Variants in COG8 observed in about 807,000 individuals in gnomAD.
COG8 encodes the protein component of oligomeric golgi complex 8.
In COG8, 45 loss-of-function variants were observed where a neutral mutation model predicts 46.5. The ratio of observed to expected loss-of-function variants is 0.97; its 90% CI spans 0.76 to 1.24. The LOEUF (loss-of-function observed/expected upper bound fraction) is 1.24. Ranked by LOEUF, COG8 falls within the 50% of genes most tolerant of loss-of-function variation. The pLI, the probability that COG8 is intolerant of heterozygous loss-of-function variation, is 0.00. For missense variants in COG8, 793 were observed against 820.8 expected, an observed-to-expected ratio of 0.97 and a Z score of 0.41; for synonymous variants, 407 against 347.8, an observed-to-expected ratio of 1.17 and a Z score of -1.90.
In COG8 at chr16:69,339,306, C is replaced by T. The variant is rs2012396406; in HGVS notation, c.247G>A (p.Ala83Thr). The T allele has an allele frequency of 2.5e-6, 4 of 1,611,362 alleles. No individual in the cohort carries two copies. The highest frequency in any genetic ancestry group is 3.3e-5 in the Admixed American group (2 of 59,902). The change falls in exon 1 of 6, where the codon GCC becomes ACC. Residue 83 changes from alanine to threonine, a missense_variant. Transcript: ENST00000306875. Reference sequence around the variant, plus strand: ...ATGAAGGTCTTGTAGTTAGCGAAGGCCAAGTCGCGCGTCTGCTGCAGCAGC... The same window carrying T: ...ATGAAGGTCTTGTAGTTAGCGAAGGTCAAGTCGCGCGTCTGCTGCAGCAGC... ...AQLLQQTRDL[A>T]FANYKTFIRG...
chr16:69,331,651 C>A (rs541509680), intron 4 of COG8, among the ~76,000 whole-genome samples: 1 of 151,662 alleles, frequency 6.6e-6, no homozygotes, highest in East Asian at 2.0e-4. Flanking sequence ...TACAGGCGCC[C>A]GCCACCATGC....
intron 4 of COG8, among the ~76,000 whole-genome samples, chr16:69,331,961 T>C (rs1225296694): frequency 1.3e-5 from 2 of 152,244 alleles, no homozygotes; most frequent in African/African-American, 2.4e-5. Context: ...AGCCAGGCTT[T>C]GCACGTGTGA....
rs765309769 is a variant in COG8 at position 69,334,775 on chromosome 16, CTG to C, written c.1157_1158del (p.Thr386SerfsTer24). On this transcript the variant is annotated frameshift_variant, in exon 3 of 6. Coordinates refer to ENST00000306875, the MANE Select transcript of COG8 (RefSeq NM_032382.5). LOFTEE classifies it high-confidence loss of function. ...TTCATTTCTTCCTGGAATTTCTCCA[CTG>C]TTTCCTGAATTGCTTTCTGGAAAGT... ...ISTFQKAIQE[T>X]VEKFQEEMNS... The C allele has an allele frequency of 9.9e-6, 16 of 1,614,184 alleles. No homozygotes were observed. Among genetic ancestry groups the C allele is most frequent in the Non-Finnish European group, 1.2e-5 (14 of 1,180,044 alleles).
chr16:69,330,236 C>CT (rs2011684653), intron 5 of COG8: 2 of 1,447,956 alleles, frequency 1.4e-6, no homozygotes, highest in Non-Finnish European at 1.8e-6. Flanking sequence ...CTGCGGCGCG[C>CT]TTAGGCCCAC....
At position 69,336,608 on chromosome 16, in the gene COG8, A is replaced by G. The variant is rs748442815; in HGVS notation, c.482T>C (p.Leu161Pro). The change falls in exon 2 of 6, where the codon CTC (leucine) becomes CCC (proline). Residue 161 changes from leucine to proline, a missense_variant. Physicochemically the swap from Leu to Pro is moderately conservative, Grantham distance 98. Coordinates refer to ENST00000306875, the MANE Select transcript of COG8 (RefSeq NM_032382.5). ...EILEILEIPQ[L>P]MDTCVRNSYY... ...ACTGTTCCGGACACAGGTGTCCATG[A>G]GCTGAGGAATCTCCAGTATTTCCAA... 6.2e-7 allele frequency: 1 copy of G among 1,614,184 alleles called. No individual in the cohort carries two copies. The highest frequency in any genetic ancestry group is 8.5e-7 in the Non-Finnish European group (1 of 1,180,030).
In COG8 at chr16:69,332,854, C is replaced by T. The variant is rs1387014270; in HGVS notation, c.1442G>A (p.Arg481His). ...KVTKIILAFH[R>H]AEEAAFSSGE... ...GCTGCTGAAGGCAGCCTCTTCAGCG[C>T]GATGGAAGGCCAGGATTATTTTAGT... The change falls in exon 4 of 6, where the codon CGC becomes CAC. Residue 481 changes from arginine to histidine, a missense_variant. Coordinates refer to ENST00000306875, the MANE Select transcript of COG8 (RefSeq NM_032382.5). The T allele has an allele frequency of 1.2e-5, 19 of 1,614,058 alleles. No homozygotes were observed. The highest frequency in any genetic ancestry group is 1.1e-4 in the East Asian group (5 of 44,900).
chr16:69,330,711 C>G, intron 5 of COG8, 102 bp downstream of exon 5: 8 of 1,408,980 alleles, frequency 5.7e-6, no homozygotes, highest in Non-Finnish European at 7.4e-6. Context: ...GCACCGCCCC[C>G]TTCCGCTCTC....
In COG8 at chr16:69,334,867, A is replaced by G. The variant is rs2012101022; in HGVS notation, c.1067T>C (p.Phe356Ser). The G allele has an allele frequency of 2.5e-6, 4 of 1,614,042 alleles. No homozygotes were observed. The highest frequency in any genetic ancestry group is 3.4e-6 in the Non-Finnish European group (4 of 1,180,028). Residue 356 changes from phenylalanine to serine, a missense_variant, in exon 3 of 6, where the codon TTC becomes TCC. By Grantham distance (155) the Phe-to-Ser change is radical. Coordinates refer to ENST00000306875, the MANE Select transcript of COG8 (RefSeq NM_032382.5). Reference protein sequence around the residue: ...LGQCMYFGLSFSRVGADFRGQ... With the variant: ...LGQCMYFGLSSSRVGADFRGQ... Reference sequence around the variant, plus strand: ...CCGGAAATCAGCTCCCACCCGGCTGAAGGACAGCCCAAAGTACATGCACTG... The same window carrying G: ...CCGGAAATCAGCTCCCACCCGGCTGGAGGACAGCCCAAAGTACATGCACTG...
Position 69,330,892 on chromosome 16 carries a change from G to C in COG8, c.1786C>G (p.Pro596Ala). The C allele has an allele frequency of 6.5e-7, 1 of 1,549,768 alleles. No homozygotes were observed. The highest frequency in any genetic ancestry group is 8.7e-7 in the Non-Finnish European group (1 of 1,146,880). The change falls in exon 5 of 6, where the codon CCG (proline) becomes GCG (alanine). Residue 596 changes from proline to alanine, a missense_variant. By Grantham distance (27) the Pro-to-Ala change is conservative (BLOSUM62 -1). Coordinates refer to ENST00000306875, the MANE Select transcript of COG8 (RefSeq NM_032382.5). ...PRLEPAGPAC[P>A]EGGRAETQAE... ...TGCGTCTCCGCTCGCCCTCCCTCCG[G>C]GCAGGCTGGGCCCGCGGGCTCCAGG...
At position 69,331,040 on chromosome 16, in the gene COG8, G is replaced by A. The variant is rs751924599; in HGVS notation, c.1638C>T (p.Gly546=). The change falls in exon 5 of 6, where the codon GGC becomes GGT. Residue 546 remains glycine (G), a synonymous_variant. Transcript: ENST00000306875. ...KYGNLGHVNI[G]AIQEPLAFIL... Reference sequence around the variant, plus strand: ...TAAAGGCGAGGGGCTCCTGAATGGCGCCGATGTTCACATGCCCTAGGTTAC... The same window carrying A: ...TAAAGGCGAGGGGCTCCTGAATGGCACCGATGTTCACATGCCCTAGGTTAC... 1.9e-6 allele frequency: 3 copies of A among 1,613,780 alleles called. No individual in the cohort carries two copies. Among genetic ancestry groups the A allele is most frequent in the Non-Finnish European group, 1.7e-6 (2 of 1,179,960 alleles).
At chr16:69,329,791 G>C (rs1007780648) in intron 5 of COG8, among the ~76,000 whole-genome samples, 3 of 152,216 alleles carry the variant, frequency 2.0e-5, no homozygotes, top group African/African-American at 7.2e-5. Flanking sequence ...CGGAACTAGG[G>C]GACCTCTCCT....
At position 69,336,645 on chromosome 16, in the gene COG8, G is replaced by GC; in HGVS notation, c.444dup (p.His149AlafsTer24). On this transcript the variant is annotated frameshift_variant, in exon 2 of 6. Transcript: ENST00000306875. LOFTEE classifies it high-confidence loss of function. Reference sequence around the variant, plus strand: ...TCCAGTATTTCCAAAATTTCTGTGTGCCGGTTTAGGGTCAGGCTATTCATC... The same window carrying GC: ...TCCAGTATTTCCAAAATTTCTGTGTGCCCGGTTTAGGGTCAGGCTATTCATC... 1 of 1,614,108 alleles carries GC rather than the reference G, an allele frequency of 6.2e-7. No individual in the cohort carries two copies.
chr16:69,332,798 T>G lies in COG8; in HGVS notation c.1498A>C (p.Thr500Pro). 1 of 1,614,190 alleles carries G rather than the reference T, an allele frequency of 6.2e-7. No individual in the cohort carries two copies. The highest frequency in any genetic ancestry group is 2.2e-5 in the East Asian group (1 of 44,892). Residue 500 changes from threonine to proline, a missense_variant, in exon 4 of 6, where the codon ACT (threonine) becomes CCT (proline). By Grantham distance (38) the Thr-to-Pro change is conservative. Coordinates refer to ENST00000306875, the MANE Select transcript of COG8 (RefSeq NM_032382.5). ...GGAACAAGGTCTTCCAGGAAGACAG[T>G]GCAGAACTGGACAAAGAGCTCTTGC... Reference protein sequence around the residue: ...GEQELFVQFCTVFLEDLVPYL... With the variant: ...GEQELFVQFCPVFLEDLVPYL...
chr16:69,330,409 A>C (rs1403627963), intron 5 of COG8: 1 of 1,478,094 alleles, frequency 6.8e-7, no homozygotes, highest in Non-Finnish European at 8.9e-7. Context: ...CCAGCACCAG[A>C]CGCCTCAGGT....
At position 69,330,819 on chromosome 16, in the gene COG8, C is replaced by G. The variant is rs1412371965; in HGVS notation, c.*20G>C. On this transcript the variant is annotated 3_prime_UTR_variant, in exon 5 of 6. Coordinates refer to ENST00000306875, the MANE Select transcript of COG8 (RefSeq NM_032382.5). ...CGCCGGGAACCTCACGCACCGCGTT[C>G]TGGAGGCAGGGGACGCCGGCTAGGG... The G allele has an allele frequency of 2.0e-6, 3 of 1,530,578 alleles. No homozygotes were observed. Among genetic ancestry groups the G allele is most frequent in the African/African-American group, 2.7e-5 (2 of 72,900 alleles). The allele number at this position is 1,530,578 out of a possible 1,614,324, so 94.8% of individuals were successfully genotyped here.
At chr16:69,338,838 AAATT>A (rs978593600) in intron 1 of COG8, among the ~76,000 whole-genome samples, 9 of 152,196 alleles carry the variant, frequency 5.9e-5, no homozygotes, top group African/African-American at 2.2e-4. Flanking sequence ...AAATCCAAAA[AAATT>A]AGCTGGGCGT....
At chr16:69,338,974 C>T (rs1482660692) in intron 1 of COG8, 1 of 723,158 alleles carries the variant, frequency 1.4e-6, no homozygotes, top group East Asian at 2.8e-5. Flanking sequence ...AGCCTGGCGA[C>T]AGGGCGAGAC....
At chr16:69,331,453 CAAAAAAAAAA>C (rs1185929938) in intron 4 of COG8, among the ~76,000 whole-genome samples, 9 of 61,250 alleles carry the variant, frequency 1.5e-4, no homozygotes, top group South Asian at 6.8e-4. Context: ...AACTCCGTCT[CAAAAAAAAAA>C]AAAAAAAAAA....
At chr16:69,336,172 T>G (rs1368531316) in intron 2 of COG8, among the ~76,000 whole-genome samples, 3 of 152,114 alleles carry the variant, frequency 2.0e-5, no homozygotes, top group African/African-American at 4.8e-5. Context: ...AAACCTACCC[T>G]AGACTCCCTT....
Sources: allele counts gnomAD v4.1 joint callset (sites outside exome capture counted in the v4.1 genomes callset), GRCh38; gene constraint gnomAD v4.1.1; transcripts MANE v1.5; gene names NCBI Gene and HGNC (gene_info 2026-07-23, HGNC 2026-07-21).